HEXB: variants seen among roughly 807,000 people sequenced by gnomAD.
HEXB encodes the protein beta-hexosaminidase subunit beta.
Under a neutral mutation model 71.2 loss-of-function variants are expected in HEXB, and 51 were observed. That is an observed-to-expected ratio of 0.72 (90% CI 0.57 to 0.90). The LOEUF (loss-of-function observed/expected upper bound fraction) is 0.90, where lower values mean the gene tolerates loss of function less well. HEXB is among the 40% of genes least tolerant of loss of function. HEXB has a pLI of 0.00. For missense variants in HEXB, 617 were observed against 677.0 expected, an observed-to-expected ratio of 0.91 and a Z score of 0.98; for synonymous variants, 266 against 249.3, an observed-to-expected ratio of 1.07 and a Z score of -0.63.
At chr5:74,684,548 T>G (rs1748803675), upstream of HEXB, among the ~76,000 whole-genome samples, 1 of 152,238 alleles carries the variant, frequency 6.6e-6, no homozygotes, top group Admixed American at 6.5e-5. Flanking sequence ...CTCCTCAAGC[T>G]TGGCTTCTCC....
chr5:74,698,431 C>T lies in HEXB; in HGVS notation c.669+1325C>T, dbSNP rs113643591. 2.3e-3 allele frequency among the ~76,000 whole-genome samples: 338 copies of T among 147,612 alleles called. 3 individuals carry two copies. Among genetic ancestry groups the T allele is most frequent in the Middle Eastern group, 0.011 (3 of 264 alleles). The stretch of plus-strand genomic sequence containing the variant: ...CTTTTTAGTTGAAGTCTTGCTCTGT[C>T]GCCAGGCTGGAGGGCAGTGGTGCAA... On this transcript the variant is annotated intron_variant, in intron 5 of 13. Transcript: ENST00000261416.
chr5:74,707,487 C>G (rs1561223152), intron 6 of HEXB, among the ~76,000 whole-genome samples: 1 of 152,088 alleles, frequency 6.6e-6, no homozygotes, highest in Non-Finnish European at 1.5e-5. Context: ...GAAGATCAAA[C>G]TACGAGCTAC....
At chr5:74,691,010 A>T (rs774019318) in intron 2 of HEXB, among the ~76,000 whole-genome samples, 25 of 152,236 alleles carry the variant, frequency 1.6e-4, no homozygotes, top group Non-Finnish European at 3.1e-4. Context: ...TTGGCAATAC[A>T]GATAACAGAT....
At chr5:74,653,913 G>T (rs1374198978) in intron 1 of HEXB, among the ~76,000 whole-genome samples, 6 of 152,136 alleles carry the variant, frequency 3.9e-5, no homozygotes, top group Admixed American at 3.9e-4. Flanking sequence ...GTGTGGTCTA[G>T]TTGCAGGCTT....
In HEXB at chr5:74,720,488, T is replaced by C. The variant is rs794727049; in HGVS notation, c.1478T>C (p.Val493Ala). The C allele has an allele frequency of 8.1e-6, 13 of 1,613,514 alleles. No homozygotes were observed. In the East Asian group the frequency reaches 2.9e-4, roughly 36 times the overall value. The change falls in exon 12 of 14, where the codon GTG (valine) becomes GCG (alanine). Residue 493 changes from valine (V) to alanine (A), a missense_variant. Transcript: ENST00000261416. ...GGEACLWGEY[V>A]DATNLTPRLW... is the part of the protein sequence containing the mutation. Reference sequence around the variant, plus strand: ...GAAGCTTGTCTATGGGGAGAATATGTGGATGCAACTAACCTCACTCCAAGA... The same window carrying C: ...GAAGCTTGTCTATGGGGAGAATATGCGGATGCAACTAACCTCACTCCAAGA...
upstream of HEXB, among the ~76,000 whole-genome samples, chr5:74,684,972 C>G (rs537562961): frequency 3.9e-5 from 6 of 152,172 alleles, no homozygotes; most frequent in Non-Finnish European, 7.3e-5. Context: ...CCACCACGTA[C>G]GGCCAGCACC....
In HEXB at chr5:74,698,610, T is replaced by G. The variant is rs905961118; in HGVS notation, c.669+1504T>G. Among the ~76,000 whole-genome samples, 4 of 148,786 alleles carry G rather than the reference T, an allele frequency of 2.7e-5. No individual in the cohort carries two copies. The East Asian group carries it at 8.2e-4, about 31-fold the overall frequency. ...TTTCACCATGTTAGCCAGGATGTTC[T>G]CAATCTCCTGACCTTGTGATCCGCC... On this transcript the variant is annotated intron_variant, in intron 5 of 13. Transcript: ENST00000261416.
chr5:74,686,849 C>CT (rs1304945279), intron 1 of HEXB, among the ~76,000 whole-genome samples: 2 of 152,142 alleles, frequency 1.3e-5, no homozygotes, highest in African/African-American at 2.4e-5. Context: ...GGTTGGAAAT[C>CT]TTTTTAAAAA....
intron 6 of HEXB, among the ~76,000 whole-genome samples, chr5:74,707,304 TCAAAGAC>T (rs1412308071): frequency 6.6e-6 from 1 of 152,034 alleles, no homozygotes; most frequent in Non-Finnish European, 1.5e-5. Context: ...ATCACCATCA[TCAAAGAC>T]CAAAAGTAGA....
chr5:74,696,372 T>G (rs114212725), intron 3 of HEXB, among the ~76,000 whole-genome samples: 161 of 152,298 alleles, frequency 1.1e-3, no homozygotes, highest in African/African-American at 3.8e-3. Context: ...TGCCATAAAT[T>G]TATTAAGGAA....
chr5:74,705,323 G>C lies in HEXB; in HGVS notation c.771+3G>C. On this transcript the variant is annotated splice_donor_region_variant and intron_variant, in intron 6 of 13. Coordinates refer to ENST00000261416, the MANE Select transcript of HEXB (RefSeq NM_000521.4). ...CTTTTCCTGAGTTAAGCAATAAAGT[G>C]AGTAAATTGTATTGTACTCTGTCTA... is the stretch of plus-strand genomic sequence containing the variant. The C allele has an allele frequency of 6.8e-7, 1 of 1,478,220 alleles. No individual in the cohort carries two copies. Among genetic ancestry groups the C allele is most frequent in the Non-Finnish European group, 9.5e-7 (1 of 1,056,190 alleles). 91.6% of individuals were successfully genotyped at this position (1,478,220 alleles called of 1,614,324 possible).
At chr5:74,640,861 A>C (rs1282870664) in intron 1 of HEXB, 1 of 152,946 alleles carries the variant, frequency 6.5e-6, no homozygotes, top group Non-Finnish European at 1.5e-5. Flanking sequence ...GAAGAGGAGG[A>C]GAAGGAGTGG....
chr5:74,645,194 A>G (rs1337605448), intron 1 of HEXB, among the ~76,000 whole-genome samples: 1 of 151,390 alleles, frequency 6.6e-6, no homozygotes, highest in Non-Finnish European at 1.5e-5. Context: ...GCTGGATTGT[A>G]TAGTATGATT....
rs144627172 is a variant in HEXB at position 74,657,002 on chromosome 5, T to C, written c.-377+16444T>C. The stretch of plus-strand genomic sequence containing the variant: ...CTGTGCCCTCTGGATTCCATTGCTT[T>C]CCACAGTCACTCCATAACCTTTCTG... On this transcript the variant is annotated intron_variant, in intron 1 of 13. Coordinates refer to the HEXB transcript ENST00000511181. Among the ~76,000 whole-genome samples the C allele has an allele frequency of 8.1e-3, 1,239 of 152,250 alleles. 13 individuals are homozygous for C. The highest frequency in any genetic ancestry group is 0.029 in the African/African-American group (1,185 of 41,534).
rs3058406 is a variant in HEXB at position 74,644,764 on chromosome 5, C to CTTTTTTT, written c.-377+4225_-377+4231dup. Among the ~76,000 whole-genome samples the CTTTTTTT allele has an allele frequency of 1.0e-3, 76 of 72,948 alleles. 1 individual carries two copies. The highest frequency in any genetic ancestry group is 1.2e-3 in the South Asian group (2 of 1,636). 47.9% of individuals were successfully genotyped at this position (72,948 alleles called of 152,430 possible). ...GAGAGTATTCTTCCTCTTTTTTTTC[C>CTTTTTTT]TTTTTTTTTTTTTTTTTTTTTTTTT... On this transcript the variant is annotated intron_variant, in intron 1 of 13. Transcript: ENST00000511181.
At chr5:74,644,605 A>C (rs7721318) in intron 1 of HEXB, among the ~76,000 whole-genome samples, 1 of 152,140 alleles carries the variant, frequency 6.6e-6, no homozygotes, top group South Asian at 2.1e-4. Context: ...ATTTTATAAA[A>C]CAGTTATCAC....
intron 6 of HEXB, among the ~76,000 whole-genome samples, chr5:74,707,354 GA>G (rs1418768540): frequency 2.6e-5 from 4 of 152,220 alleles, no homozygotes; most frequent in African/African-American, 4.8e-5. Flanking sequence ...AAACAGAGCA[GA>G]AAAACTGGAA....
At chr5:74,720,318 G>A (rs1749795770) in intron 11 of HEXB, 110 bp from the exon 12 acceptor site, 1 of 862,308 alleles carries the variant, frequency 1.2e-6, no homozygotes, top group Admixed American at 1.8e-5. Flanking sequence ...GCTAACCACG[G>A]GCAAGAAATG....
intron 3 of HEXB, among the ~76,000 whole-genome samples, chr5:74,694,089 G>A (rs1345684762): frequency 6.6e-6 from 1 of 152,152 alleles, no homozygotes; most frequent in East Asian, 1.9e-4. Flanking sequence ...AGTCCAGGAC[G>A]TTGAGGCTGC....
Sources: allele counts gnomAD v4.1 joint callset (sites outside exome capture counted in the v4.1 genomes callset), GRCh38; gene constraint gnomAD v4.1.1; transcripts MANE v1.5; gene names NCBI Gene and HGNC (gene_info 2026-07-23, HGNC 2026-07-21).